The following WWOX variants were observed in gnomAD, a reference collection of about 807,000 sequenced individuals.
WWOX encodes the protein WW domain-containing oxidoreductase.
A neutral mutation model predicts 46.2 loss-of-function variants in WWOX; 69 were observed. The observed-to-expected ratio is 1.49, with a 90% CI of 1.23 to 1.82. The LOEUF is 1.82. WWOX is among the 40% of genes most tolerant of loss of function. The pLI, the probability that WWOX is intolerant of heterozygous loss-of-function variation, is 0.00. For synonymous variants in WWOX, 359 were observed against 202.6 expected (o/e 1.77, Z -6.56); for missense variants, 919 against 542.6 (o/e 1.69, Z -6.89).
intron 8 of WWOX, chr16:78,534,501 T>TA: frequency 6.6e-6 from 1 of 152,188 alleles, no homozygotes; most frequent in Non-Finnish European, 1.5e-5. Context: ...TTTCTGCCTT[T>TA]AAAAAATTTC....
intron 8 of WWOX, among the ~76,000 whole-genome samples, chr16:79,122,178 T>A (rs2049648589): frequency 6.6e-6 from 1 of 152,166 alleles, no homozygotes; most frequent in Non-Finnish European, 1.5e-5. Flanking sequence ...CACTTGCTTC[T>A]AAACCTCTGT....
At chr16:79,031,716 T>G (rs2047758415) in intron 8 of WWOX, among the ~76,000 whole-genome samples, 1 of 148,190 alleles carries the variant, frequency 6.7e-6, no homozygotes, top group South Asian at 2.1e-4. Flanking sequence ...CTAGTTTTTT[T>G]GTTTTGCTTA....
intron 8 of WWOX, among the ~76,000 whole-genome samples, chr16:79,199,467 TAGC>T (rs2051304798): frequency 6.6e-6 from 1 of 152,202 alleles, no homozygotes; most frequent in Non-Finnish European, 1.5e-5. Context: ...ACGAATCTCT[TAGC>T]AGGAGGCCGC....
intron 8 of WWOX, among the ~76,000 whole-genome samples, chr16:78,831,331 C>G (rs866740650): frequency 6.6e-6 from 1 of 152,348 alleles, no homozygotes; most frequent in Middle Eastern, 3.4e-3. Context: ...TAGCCCCTGA[C>G]CAGCCTCCAA....
chr16:78,460,942 A>G (rs1049424806), intron 8 of WWOX, among the ~76,000 whole-genome samples: 5 of 152,088 alleles, frequency 3.3e-5, no homozygotes, highest in Non-Finnish European at 7.4e-5. Flanking sequence ...CAGTAGTGAC[A>G]GGGGTATCAG....
At chr16:78,655,350 A>G (rs763424679) in intron 8 of WWOX, among the ~76,000 whole-genome samples, 8 of 152,188 alleles carry the variant, frequency 5.3e-5, no homozygotes, top group Non-Finnish European at 8.8e-5. Context: ...ACTTGATATA[A>G]TAACGTTGGC....
intron 4 of WWOX, among the ~76,000 whole-genome samples, chr16:78,129,405 G>C (rs1372464246): frequency 6.6e-6 from 1 of 152,132 alleles, no homozygotes; most frequent in Non-Finnish European, 1.5e-5. Context: ...GCAAACCTAA[G>C]ATTATAGGCA....
intron 8 of WWOX, among the ~76,000 whole-genome samples, chr16:78,758,679 C>T (rs1266188485): frequency 6.6e-6 from 1 of 152,112 alleles, no homozygotes; most frequent in African/African-American, 2.4e-5. Flanking sequence ...AATCGTGTCC[C>T]CTTTCCTCCC....
chr16:78,727,263 G>T (rs566849454), intron 8 of WWOX, among the ~76,000 whole-genome samples: 1 of 152,182 alleles, frequency 6.6e-6, no homozygotes, highest in African/African-American at 2.4e-5. Flanking sequence ...GCTGGGTTTG[G>T]TGACAAACGC....
At chr16:78,645,632 AG>A (rs1371119611) in intron 8 of WWOX, among the ~76,000 whole-genome samples, 5 of 152,114 alleles carry the variant, frequency 3.3e-5, no homozygotes, top group Non-Finnish European at 4.4e-5. Context: ...GGGAGGTGCC[AG>A]AGACTTTAAA....
chr16:78,168,160 G>A (rs1258856257), intron 5 of WWOX: 1 of 152,166 alleles, frequency 6.6e-6, no homozygotes, highest in Non-Finnish European at 1.5e-5. Flanking sequence ...CATGTGCCAA[G>A]GCTCCGTGGG....
chr16:78,530,483 G>C (rs1048039838), intron 8 of WWOX, among the ~76,000 whole-genome samples: 1 of 152,212 alleles, frequency 6.6e-6, no homozygotes, highest in Non-Finnish European at 1.5e-5. Flanking sequence ...TTCTTCTGAA[G>C]TCCAGCCGCT....
Position 78,484,787 on chromosome 16 carries a change from G to A in WWOX, c.1056+52035G>A, listed in dbSNP as rs79594439. ...GCCTGAAAGAAGTGATTGAGTTTGC[G>A]GAAGCTGTCCTGAAGTCGAGGTTCT... is the stretch of plus-strand genomic sequence containing the variant. On this transcript the variant is annotated intron_variant, in intron 8 of 8. Transcript: ENST00000566780. Among the ~76,000 whole-genome samples, 385 of 152,278 alleles carry A rather than the reference G, an allele frequency of 2.5e-3. 2 individuals carry two copies. Among genetic ancestry groups the A allele is most frequent in the Non-Finnish European group, 4.5e-3 (305 of 68,024 alleles).
chr16:78,358,636 C>T (rs917495439), intron 5 of WWOX, among the ~76,000 whole-genome samples: 4 of 151,696 alleles, frequency 2.6e-5, no homozygotes, highest in Admixed American at 2.6e-4. Flanking sequence ...CCAGCCTGAG[C>T]AACAGAGCAA....
intron 8 of WWOX, among the ~76,000 whole-genome samples, chr16:78,895,176 C>G (rs977219480): frequency 6.6e-6 from 1 of 152,194 alleles, no homozygotes; most frequent in Non-Finnish European, 1.5e-5. Flanking sequence ...TTGATAGCAT[C>G]AACGGCTTTA....
intron 6 of WWOX, among the ~76,000 whole-genome samples, chr16:78,419,580 A>G (rs1009496898): frequency 6.7e-6 from 1 of 150,272 alleles, no homozygotes; most frequent in Non-Finnish European, 1.5e-5. Flanking sequence ...CATGCAAAAG[A>G]ATGAGATTAG....
chr16:78,418,222 G>A (rs1046181800), intron 6 of WWOX, among the ~76,000 whole-genome samples: 5 of 151,932 alleles, frequency 3.3e-5, no homozygotes, highest in African/African-American at 9.7e-5. Flanking sequence ...AGATTAGTGG[G>A]GCGTGGTGGC....
intron 5 of WWOX, among the ~76,000 whole-genome samples, chr16:78,226,852 T>G (rs1234113110): frequency 6.6e-6 from 1 of 152,194 alleles, no homozygotes; most frequent in Non-Finnish European, 1.5e-5. Flanking sequence ...GCCTAAGGAT[T>G]TCATCCAGAT....
chr16:78,273,839 T>C (rs1026839851), intron 5 of WWOX, among the ~76,000 whole-genome samples: 1 of 152,166 alleles, frequency 6.6e-6, no homozygotes, highest in East Asian at 1.9e-4. Context: ...TCGCTGAAGA[T>C]AGGAGGAGTC....
Sources: allele counts gnomAD v4.1 joint callset (sites outside exome capture counted in the v4.1 genomes callset), GRCh38; gene constraint gnomAD v4.1.1; transcripts MANE v1.5; gene names NCBI Gene and HGNC (gene_info 2026-07-23, HGNC 2026-07-21).